The following COL11A1 variants were observed in gnomAD, a reference collection of about 807,000 sequenced individuals.
COL11A1 encodes collagen alpha-1(XI) chain.
A neutral mutation model predicts 265.2 loss-of-function variants in COL11A1; 74 were observed. The observed-to-expected ratio is 0.28, with a 90% CI of 0.23 to 0.34. COL11A1 has a LOEUF of 0.34. Ranked by LOEUF, COL11A1 falls within the 10% of genes least tolerant of loss-of-function variation. The pLI is 1.00. For missense variants in COL11A1, 2,165 were observed against 2,263.6 expected (o/e 0.96, Z 0.88); for synonymous variants, 816 against 727.6 (o/e 1.12, Z -1.96).
intron 12 of COL11A1, among the ~76,000 whole-genome samples, chr1:103,014,862 C>A (rs1469791888): frequency 6.6e-6 from 1 of 152,008 alleles, no homozygotes; most frequent in Non-Finnish European, 1.5e-5. Flanking sequence ...TTCTATACCT[C>A]TGGAATAAAC....
In COL11A1 at chr1:102,918,893, A is replaced by G. The variant is rs150859145; in HGVS notation, c.3762+1418T>C. 9.0e-4 allele frequency among the ~76,000 whole-genome samples: 137 copies of G among 152,210 alleles called. 1 individual carries two copies. In the East Asian group the frequency reaches 0.025, roughly 28 times the overall value. ...CAAGAGTAGCACTGAAATAATGACA[A>G]CTTTCCCTCTGCATTCAAATTCTTT... is the stretch of plus-strand genomic sequence containing the variant. On this transcript the variant is annotated intron_variant, in intron 49 of 66. Coordinates refer to ENST00000370096, the MANE Select transcript of COL11A1 (RefSeq NM_001854.4).
At chr1:102,992,413 T>C (rs1473657874) in intron 28 of COL11A1, among the ~76,000 whole-genome samples, 1 of 152,086 alleles carries the variant, frequency 6.6e-6, no homozygotes, top group Non-Finnish European at 1.5e-5. Flanking sequence ...ATTTTAGTCA[T>C]AATTAGAGTA....
intron 14 of COL11A1, among the ~76,000 whole-genome samples, chr1:103,011,981 C>CG (rs1349472433): frequency 6.6e-6 from 1 of 152,076 alleles, no homozygotes; most frequent in Non-Finnish European, 1.5e-5. Flanking sequence ...AGGCAACCTG[C>CG]GGTTTAAAAA....
rs199539580 is a variant in COL11A1 at position 103,026,268 on chromosome 1, T to C, written c.845A>G (p.Glu282Gly). 212 of 1,613,852 alleles carry C rather than the reference T, an allele frequency of 1.3e-4. No homozygotes were observed. The highest frequency in any genetic ancestry group is 1.6e-4 in the Middle Eastern group (1 of 6,062). The change falls in exon 6 of 67, where the codon GAA becomes GGA. Residue 282 changes from glutamate (E) to glycine (G), a missense_variant. Physicochemically the swap from Glu to Gly is moderately conservative, Grantham distance 98 (BLOSUM62 -2). Coordinates refer to ENST00000370096, the MANE Select transcript of COL11A1 (RefSeq NM_001854.4). Reference protein sequence around the residue: ...EYGEAEYKEAESVTEGPTVTE... With the variant: ...EYGEAEYKEAGSVTEGPTVTE... ...TACAGTGGGTCCCTCTGTTACACTT[T>C]CAGCCTCTTTATACTCTGCTTCCCC... is the stretch of plus-strand genomic sequence containing the variant.
rs1437636370 is a variant in COL11A1 at position 102,920,369 on chromosome 1, A to G, written c.3709-5T>C. The G allele has an allele frequency of 9.3e-6, 15 of 1,612,316 alleles. No individual in the cohort carries two copies. The highest frequency in any genetic ancestry group is 1.3e-5 in the Non-Finnish European group (15 of 1,178,600). ...CCCTGGGGGTCCTTGTGGTCCCTGC[A>G]GTGTAGAAAAAGGAATGTAATTATC... On this transcript the variant is annotated splice_polypyrimidine_tract_variant and splice_region_variant and intron_variant, in intron 48 of 66. Transcript: ENST00000370096.
chr1:102,934,450 T>C lies in COL11A1; in HGVS notation c.3599A>G (p.Gln1200Arg). ...FPGPPGPIGLQGLPGPPGEKG... is the reference protein window; with the variant it reads ...FPGPPGPIGLRGLPGPPGEKG... ...TAAACAATGACAGGATCATCTTACC[T>C]GAAGACCTATTGGACCAGGAGGTCC... Residue 1200 changes from glutamine to arginine, a missense_variant and splice_region_variant, in exon 46 of 67, where the codon CAG (glutamine) becomes CGG (arginine). Transcript: ENST00000370096. The C allele has an allele frequency of 6.2e-7, 1 of 1,605,620 alleles. No individual in the cohort carries two copies. Among genetic ancestry groups the C allele is most frequent in the Non-Finnish European group, 8.5e-7 (1 of 1,172,236 alleles).
At chr1:102,958,539 G>C (rs1163672560) in intron 41 of COL11A1, among the ~76,000 whole-genome samples, 9 of 152,066 alleles carry the variant, frequency 5.9e-5, no homozygotes, top group African/African-American at 2.2e-4. Context: ...CTCAGCACTT[G>C]TTATGAACTG....
At chr1:102,921,793 T>A (rs1421670901) in intron 47 of COL11A1, among the ~76,000 whole-genome samples, 1 of 152,186 alleles carries the variant, frequency 6.6e-6, no homozygotes, top group Non-Finnish European at 1.5e-5. Flanking sequence ...GAGAAACAAT[T>A]TGATTAGAAA....
intron 38 of COL11A1, among the ~76,000 whole-genome samples, chr1:102,963,972 G>C (rs1661162308): frequency 6.6e-6 from 1 of 151,978 alleles, no homozygotes; most frequent in Non-Finnish European, 1.5e-5. Context: ...TCACATGAAA[G>C]TATGGCTACA....
At chr1:103,073,192 T>A (rs1441646497) in intron 4 of COL11A1, among the ~76,000 whole-genome samples, 7 of 151,778 alleles carry the variant, frequency 4.6e-5, no homozygotes, top group Admixed American at 2.0e-4. Context: ...TACTCCAGGA[T>A]TCAGAATGTG....
chr1:103,002,391 C>T (rs1427166069), intron 23 of COL11A1, 37 bp downstream of exon 23: 1 of 1,541,272 alleles, frequency 6.5e-7, no homozygotes, highest in East Asian at 2.3e-5. Flanking sequence ...CATCTTCCCC[C>T]CATTATTTCA....
intron 15 of COL11A1, among the ~76,000 whole-genome samples, chr1:103,006,568 A>G (rs1298298333): frequency 9.8e-6 from 1 of 102,564 alleles, no homozygotes; most frequent in African/African-American, 3.8e-5. Context: ...GACGGAGTCT[A>G]GCTCTGTCGC....
In COL11A1 at chr1:102,878,183, A is replaced by C. The variant is rs1649738985; in HGVS notation, c.5275-18T>G. 1 of 1,598,948 alleles carries C rather than the reference A, an allele frequency of 6.3e-7. No individual in the cohort carries two copies. Reference sequence around the variant, plus strand: ...TTTCTGGACTGTAAAATAAAGCAGAAATAAAAAGTTATACAATCTTTTAAT... The same window carrying C: ...TTTCTGGACTGTAAAATAAAGCAGACATAAAAAGTTATACAATCTTTTAAT... On this transcript the variant is annotated intron_variant, in intron 66 of 66. Transcript: ENST00000370096.
intron 1 of COL11A1, among the ~76,000 whole-genome samples, chr1:103,084,263 C>A (rs758674683): frequency 3.9e-5 from 6 of 152,132 alleles, no homozygotes; most frequent in Non-Finnish European, 5.9e-5. Context: ...CCTCCTACCC[C>A]CTGACAACCT....
intron 1 of COL11A1, chr1:103,100,238 C>G (rs1422888306): frequency 3.3e-5 from 5 of 151,818 alleles, no homozygotes; most frequent in Non-Finnish European, 5.9e-5. Context: ...TTCCATACAC[C>G]AATCCCCAAA....
chr1:103,065,336 C>T (rs915857077), intron 4 of COL11A1, among the ~76,000 whole-genome samples: 16 of 151,798 alleles, frequency 1.1e-4, no homozygotes, highest in African/African-American at 3.1e-4. Context: ...CCGGCTAACA[C>T]GGTGAAACCC....
chr1:102,965,561 T>A (rs769706423), intron 37 of COL11A1, 21 bp from the exon 38 acceptor site: 2 of 1,607,222 alleles, frequency 1.2e-6, no homozygotes, highest in Non-Finnish European at 1.7e-6. Context: ...AAAGTATTAT[T>A]TGTAAAAGCT....
chr1:102,900,463 T>C (rs115851178), intron 54 of COL11A1, among the ~76,000 whole-genome samples: 1,731 of 152,186 alleles, frequency 0.011, 31 homozygotes, highest in African/African-American at 0.04. Flanking sequence ...ATTTGGGAAA[T>C]AGAAATAATG....
chr1:103,026,523 C>T (rs1331430144), intron 5 of COL11A1, among the ~76,000 whole-genome samples, 191 bp from the exon 6 acceptor site: 1 of 151,966 alleles, frequency 6.6e-6, no homozygotes, highest in African/African-American at 2.4e-5. Flanking sequence ...ATAGGAGTGA[C>T]AAAGCACATT....
Sources: gnomAD v4.1 joint callset for allele counts (sites outside exome capture counted in the v4.1 genomes callset) on GRCh38, gnomAD v4.1.1 for gene constraint, MANE v1.5 for transcripts, NCBI Gene and HGNC (gene_info 2026-07-23, HGNC 2026-07-21) for gene names.